PCNX2: variants seen among roughly 807,000 people sequenced by gnomAD.
The protein encoded by PCNX2 is pecanex 2.
PCNX2 carries 168 observed loss-of-function variants against 223.8 expected under a neutral mutation model. That is an observed-to-expected ratio of 0.75 (90% CI 0.66 to 0.85). PCNX2 has a LOEUF of 0.85. Among genes scored for constraint, PCNX2 ranks in the 40% least tolerant of loss-of-function variants. PCNX2 has a pLI of 0.00. For synonymous variants in PCNX2, 1,006 were observed against 1,052.6 expected (o/e 0.96, Z 0.86); for missense variants, 2,507 against 2,675.5 (o/e 0.94, Z 1.39).
At chr1:233,263,264 G>T in intron 1 of PCNX2, 101 bp from the exon 2 acceptor site, 1 of 980,086 alleles carries the variant, frequency 1.0e-6, no homozygotes. Flanking sequence ...ATATAAATTA[G>T]GCAAGATTTC....
At chr1:232,985,650 C>A (rs1669446581) in intron 33 of PCNX2, 1 of 380,922 alleles carries the variant, frequency 2.6e-6, no homozygotes, top group Admixed American at 4.2e-5. Flanking sequence ...TGGGCCATCT[C>A]AGCAGCTTTA....
intron 25 of PCNX2, among the ~76,000 whole-genome samples, chr1:233,027,936 G>A (rs889249502): frequency 3.3e-5 from 5 of 152,118 alleles, no homozygotes; most frequent in Non-Finnish European, 5.9e-5. Flanking sequence ...TTTATATGCT[G>A]CGTTTTGTTT....
chr1:233,010,506 T>A (rs1670429635), intron 28 of PCNX2, among the ~76,000 whole-genome samples: 1 of 152,272 alleles, frequency 6.6e-6, no homozygotes, highest in South Asian at 2.1e-4. Context: ...CCTCGAAGGA[T>A]GGAACATCAG....
intron 23 of PCNX2, chr1:233,065,792 C>T (rs1305291153): frequency 3.3e-5 from 5 of 152,164 alleles, no homozygotes; most frequent in Non-Finnish European, 7.3e-5. Context: ...CCAAATACCA[C>T]AGATAAAACC....
At chr1:233,275,565 ATTG>A (rs1217551651) in intron 1 of PCNX2, among the ~76,000 whole-genome samples, 3 of 152,218 alleles carry the variant, frequency 2.0e-5, no homozygotes, top group African/African-American at 7.2e-5. Context: ...AAGTTGATAT[ATTG>A]TTATTTTAAA....
intron 26 of PCNX2, 82 bp downstream of exon 26, chr1:233,025,064 T>G: frequency 1.8e-5 from 28 of 1,545,182 alleles, no homozygotes; most frequent in Non-Finnish European, 2.3e-5. Flanking sequence ...GCTTCAAAAT[T>G]TAGCTTTCGA....
intron 25 of PCNX2, among the ~76,000 whole-genome samples, chr1:233,036,192 A>C (rs945768182): frequency 6.6e-6 from 1 of 151,690 alleles, no homozygotes; most frequent in Non-Finnish European, 1.5e-5. Flanking sequence ...TTCTACCCAC[A>C]CTCATTTTCC....
intron 19 of PCNX2, among the ~76,000 whole-genome samples, chr1:233,153,778 A>G (rs1298304795): frequency 1.3e-5 from 2 of 152,192 alleles, no homozygotes; most frequent in Non-Finnish European, 1.5e-5. Context: ...GAAATGGGGC[A>G]GGAGGGTGGA....
chr1:233,092,795 G>A (rs1009154648), intron 22 of PCNX2, among the ~76,000 whole-genome samples: 3 of 151,868 alleles, frequency 2.0e-5, no homozygotes, highest in Admixed American at 1.3e-4. Flanking sequence ...TGTTTTGTTT[G>A]TTTTTTGTTT....
chr1:233,251,049 C>T (rs780924081), intron 7 of PCNX2, among the ~76,000 whole-genome samples: 1 of 151,918 alleles, frequency 6.6e-6, no homozygotes, highest in Non-Finnish European at 1.5e-5. Flanking sequence ...TTTTCTTCGA[C>T]CTGCTTCCCT....
chr1:233,008,298 C>T (rs1670354569), intron 28 of PCNX2, among the ~76,000 whole-genome samples: 1 of 152,158 alleles, frequency 6.6e-6, no homozygotes, highest in South Asian at 2.1e-4. Context: ...TGATGTCCCC[C>T]AAATAGCTCC....
intron 17 of PCNX2, among the ~76,000 whole-genome samples, chr1:233,162,120 C>T (rs1396411957): frequency 6.6e-6 from 1 of 151,976 alleles, no homozygotes; most frequent in African/African-American, 2.4e-5. Flanking sequence ...GTAGTGTAAG[C>T]AGTGGCTAGG....
chr1:233,257,642 C>G (rs1168192521), intron 5 of PCNX2, among the ~76,000 whole-genome samples: 1 of 152,218 alleles, frequency 6.6e-6, no homozygotes, highest in East Asian at 1.9e-4. Flanking sequence ...AAAGTAGATT[C>G]ACTTCACAGA....
chr1:233,197,305 G>A (rs1200379100), intron 15 of PCNX2, among the ~76,000 whole-genome samples: 1 of 152,068 alleles, frequency 6.6e-6, no homozygotes, highest in Admixed American at 6.6e-5. Context: ...ACACAACAGA[G>A]CAATATACTA....
In PCNX2 at chr1:233,179,104, G is replaced by A; in HGVS notation, c.3138C>T (p.Tyr1046=). The A allele has an allele frequency of 6.2e-7, 1 of 1,613,902 alleles. No individual in the cohort carries two copies. The highest frequency in any genetic ancestry group is 8.5e-7 in the Non-Finnish European group (1 of 1,179,836). The part of the protein sequence containing the change: ...AFCGLLVALS[Y]HLSRQSSDPS... ...GGTCACTGCTCTGACGGCTCAGATG[G>A]TAAGAAAGGGCGACCAAGAGGCCAC... Residue 1046 remains tyrosine (Y), a synonymous_variant, in exon 16 of 34, where the codon TAC becomes TAT. Coordinates refer to ENST00000258229, the MANE Select transcript of PCNX2 (RefSeq NM_014801.4).
In PCNX2 at chr1:232,984,312, C is replaced by G; in HGVS notation, c.6406G>C (p.Glu2136Gln). ...DTASQQSVSD[E>Q]Q ...GCCCGGCCGCACGCCCGTCACTGCT[C>G]GTCTGACACACTTTGCTGCGAGGCC... The change falls in exon 34 of 34, where the codon GAG (glutamate) becomes CAG (glutamine). Residue 2136 changes from glutamate to glutamine, a missense_variant. Physicochemically the swap from Glu to Gln is conservative, Grantham distance 29. Transcript: ENST00000258229. 1 of 1,605,066 alleles carries G rather than the reference C, an allele frequency of 6.2e-7. No individual in the cohort carries two copies. The highest frequency in any genetic ancestry group is 8.5e-7 in the Non-Finnish European group (1 of 1,176,200).
chr1:233,046,918 C>T (rs1332218275), intron 25 of PCNX2, among the ~76,000 whole-genome samples: 1 of 152,176 alleles, frequency 6.6e-6, no homozygotes, highest in African/African-American at 2.4e-5. Context: ...GCTTTTACCA[C>T]CAGAATGTGG....
At chr1:233,014,824 G>A (rs750157011) in intron 27 of PCNX2, 47 bp from the exon 28 acceptor site, 7 of 1,437,936 alleles carry the variant, frequency 4.9e-6, no homozygotes, top group Non-Finnish European at 6.9e-6. Flanking sequence ...ATTCCAATAT[G>A]TACCAACACA....
At position 233,122,402 on chromosome 1, in the gene PCNX2, A is replaced by C. The variant is rs533347653; in HGVS notation, c.3837+12611T>G. On this transcript the variant is annotated intron_variant, in intron 21 of 33. Transcript: ENST00000258229. Reference sequence around the variant, plus strand: ...GGCTGTGCATAGTGGCTTTCTTCCAAAGAATATAGGATGGAAAGGAGGACA... The same window carrying C: ...GGCTGTGCATAGTGGCTTTCTTCCACAGAATATAGGATGGAAAGGAGGACA... 1.4e-4 allele frequency among the ~76,000 whole-genome samples: 21 copies of C among 152,280 alleles called. No individual in the cohort carries two copies. In the East Asian group the frequency reaches 1.9e-3, roughly 14 times the overall value.
Sources: gnomAD v4.1 joint callset for allele counts (sites outside exome capture counted in the v4.1 genomes callset) on GRCh38, gnomAD v4.1.1 for gene constraint, MANE v1.5 for transcripts, NCBI Gene and HGNC (gene_info 2026-07-23, HGNC 2026-07-21) for gene names.